TRPM1: variants seen among roughly 807,000 people sequenced by gnomAD.
The protein encoded by TRPM1 is transient receptor potential cation channel subfamily M member 1, also known as TRPM1-203 APA Isoform, Intron 10.
In TRPM1, 113 loss-of-function variants were observed where a neutral mutation model predicts 149.4. The observed-to-expected ratio is 0.76, with a 90% CI of 0.65 to 0.88. The LOEUF (loss-of-function observed/expected upper bound fraction) is 0.88, where lower values mean the gene tolerates loss of function less well. Ranked by LOEUF, TRPM1 falls within the 40% of genes least tolerant of loss-of-function variation. TRPM1 has a pLI of 0.00. For synonymous variants in TRPM1, 741 were observed against 759.5 expected (o/e 0.98, Z 0.40); for missense variants, 1,976 against 2,038.7 (o/e 0.97, Z 0.59).
chr15:31,035,773 C>A, intron 20 of TRPM1, 99 bp from the exon 21 acceptor site: 1 of 1,554,562 alleles, frequency 6.4e-7, no homozygotes, highest in Non-Finnish European at 8.8e-7. Context: ...CTAAAAGAAT[C>A]TTTGTTTCCA....
At chr15:31,129,019 T>A (rs1313987206) in intron 1 of TRPM1, among the ~76,000 whole-genome samples, 1 of 152,108 alleles carries the variant, frequency 6.6e-6, no homozygotes, top group African/African-American at 2.4e-5. Context: ...GGTGGCAGCC[T>A]CCTCGGGAGC....
intron 1 of TRPM1, among the ~76,000 whole-genome samples, chr15:31,137,046 C>G (rs1195207469): frequency 1.3e-5 from 2 of 152,162 alleles, no homozygotes; most frequent in Non-Finnish European, 2.9e-5. Flanking sequence ...AAGTTCTGCT[C>G]TCTTTTGCAT....
At chr15:31,113,494 G>C (rs769077506) in intron 1 of TRPM1, among the ~76,000 whole-genome samples, 11 of 151,378 alleles carry the variant, frequency 7.3e-5, no homozygotes, top group African/African-American at 1.9e-4. Flanking sequence ...ATATCTTAAA[G>C]ACAGTGACTG....
chr15:31,113,742 T>A (rs930223918), intron 1 of TRPM1, among the ~76,000 whole-genome samples: 1 of 152,292 alleles, frequency 6.6e-6, no homozygotes, highest in East Asian at 1.9e-4. Context: ...CCTTTAAGAA[T>A]GAAGCATGCG....
At chr15:31,088,468 C>G (rs894044630) in intron 1 of TRPM1, among the ~76,000 whole-genome samples, 10 of 152,292 alleles carry the variant, frequency 6.6e-5, no homozygotes, top group Admixed American at 2.0e-4. Flanking sequence ...TGGCTTCACT[C>G]CTGAAGTCAG....
intron 1 of TRPM1, among the ~76,000 whole-genome samples, chr15:31,152,929 C>CTAAA (rs2036323070): frequency 1.3e-5 from 2 of 152,336 alleles, no homozygotes; most frequent in South Asian, 4.1e-4. Flanking sequence ...AGGCATGAGC[C>CTAAA]ACTGCACCCA....
At chr15:31,007,652 GCAACAA>G (rs55739225) in intron 27 of TRPM1, among the ~76,000 whole-genome samples, 10,539 of 139,786 alleles carry the variant, frequency 0.075, 400 homozygotes, top group Middle Eastern at 0.14. Context: ...CAGCAGCGCA[GCAACAA>G]CAACAACAAC....
chr15:31,064,692 A>G (rs1180838678), intron 7 of TRPM1, among the ~76,000 whole-genome samples: 1 of 152,212 alleles, frequency 6.6e-6, no homozygotes, highest in Non-Finnish European at 1.5e-5. Flanking sequence ...AGAAGATTGG[A>G]GAATTTCAAA....
At chr15:31,062,999 G>A (rs918136675) in intron 8 of TRPM1, 119 bp downstream of exon 8, 70 of 1,388,952 alleles carry the variant, frequency 5.0e-5, no homozygotes, top group Non-Finnish European at 6.6e-5. Flanking sequence ...AGGAGATCTA[G>A]CAAATCTTCC....
intron 27 of TRPM1, among the ~76,000 whole-genome samples, chr15:31,020,172 T>C (rs917501021): frequency 6.6e-6 from 1 of 152,266 alleles, no homozygotes; most frequent in African/African-American, 2.4e-5. Context: ...TCAGGCCAGA[T>C]TCTGTGGTTG....
At chr15:31,070,357 G>T in intron 3 of TRPM1, 131 bp from the exon 4 acceptor site, 2 of 859,876 alleles carry the variant, frequency 2.3e-6, no homozygotes, top group African/African-American at 1.6e-5. Context: ...GTAAGCCAGC[G>T]TTATTAGGGA....
At position 31,002,048 on chromosome 15, in the gene TRPM1, T is replaced by A. The variant is rs2031786575; in HGVS notation, c.4652A>T (p.Asn1551Ile). ...PRLSLTITDRNGMENLLSVKP... is the reference protein window; with the variant it reads ...PRLSLTITDRIGMENLLSVKP... Reference sequence around the variant, plus strand: ...CACAGACAGTAAGTTTTCCATCCCATTTCTGTCAGTAATGGTTAGGGACAA... The same window carrying A: ...CACAGACAGTAAGTTTTCCATCCCAATTCTGTCAGTAATGGTTAGGGACAA... Residue 1551 changes from asparagine to isoleucine, a missense_variant, in exon 28 of 28, where the codon AAT (asparagine) becomes ATT (isoleucine). This residue lies in a region of TRPM1 where 572 missense variants were observed against 578.9 expected (regional missense o/e 0.99). Coordinates refer to ENST00000256552, the MANE Select transcript of TRPM1 (RefSeq NM_001252024.2). The A allele has an allele frequency of 4.3e-6, 7 of 1,614,110 alleles. No homozygotes were observed. The highest frequency in any genetic ancestry group is 5.9e-6 in the Non-Finnish European group (7 of 1,180,034).
intron 1 of TRPM1, among the ~76,000 whole-genome samples, chr15:31,129,477 C>T (rs1172325113): frequency 6.6e-6 from 1 of 152,164 alleles, no homozygotes; most frequent in South Asian, 2.1e-4. Flanking sequence ...CCCACCTGGC[C>T]GCCTCCAGTG....
chr15:31,041,052 G>A (rs1204838871), intron 17 of TRPM1, among the ~76,000 whole-genome samples: 1 of 152,208 alleles, frequency 6.6e-6, no homozygotes, highest in Non-Finnish European at 1.5e-5. Flanking sequence ...TGGGGGGCAT[G>A]GAGAAGGTGG....
chr15:31,098,839 C>T (rs1363083317), intron 1 of TRPM1, among the ~76,000 whole-genome samples: 4 of 150,966 alleles, frequency 2.6e-5, no homozygotes, highest in African/African-American at 4.9e-5. Flanking sequence ...GACAGGGGGC[C>T]AGGGATTGGG....
At chr15:31,150,549 G>A (rs1160706682) in intron 1 of TRPM1, among the ~76,000 whole-genome samples, 1 of 150,844 alleles carries the variant, frequency 6.6e-6, no homozygotes, top group Non-Finnish European at 1.5e-5. Context: ...TGATTCTTCG[G>A]CTTCAGCCTC....
intron 11 of TRPM1, among the ~76,000 whole-genome samples, chr15:31,057,061 G>A (rs1210695687): frequency 1.3e-5 from 2 of 152,202 alleles, no homozygotes; most frequent in Non-Finnish European, 2.9e-5. Context: ...GTCTCAGAGT[G>A]CAACGAAGGG....
intron 1 of TRPM1, among the ~76,000 whole-genome samples, chr15:31,083,361 A>C (rs1045161488): frequency 6.6e-6 from 1 of 152,130 alleles, no homozygotes; most frequent in Non-Finnish European, 1.5e-5. Flanking sequence ...GCCATTATTA[A>C]CCAAGAGGGA....
intron 27 of TRPM1, among the ~76,000 whole-genome samples, chr15:31,024,816 A>G (rs1420577499): frequency 1.3e-5 from 2 of 152,246 alleles, no homozygotes; most frequent in African/African-American, 4.8e-5. Context: ...TATACCTTGA[A>G]AGTTTAGCAA....
Sources: gnomAD v4.1 joint callset for allele counts (sites outside exome capture counted in the v4.1 genomes callset) on GRCh38, gnomAD v4.1.1 for gene constraint, gnomAD v4.1.1 regional missense constraint, MANE v1.5 for transcripts, NCBI Gene and HGNC (gene_info 2026-07-23, HGNC 2026-07-21) for gene names.